NR3C1: variants seen among roughly 807,000 people sequenced by gnomAD.
NR3C1 encodes the protein nuclear receptor subfamily 3 group C member 1.
In NR3C1, 14 loss-of-function variants were observed where a neutral mutation model predicts 74.0. The observed-to-expected ratio is 0.19, with a 90% CI of 0.12 to 0.30. The LOEUF is 0.30. Ranked by LOEUF, NR3C1 falls within the 10% of genes least tolerant of loss-of-function variation. NR3C1 has a pLI of 1.00. For missense variants in NR3C1, 695 were observed against 909.8 expected (o/e 0.76, Z 3.04); for synonymous variants, 308 against 332.5 (o/e 0.93, Z 0.80).
chr5:143,366,324 C>T (rs1308383594), intron 2 of NR3C1, among the ~76,000 whole-genome samples: 1 of 152,038 alleles, frequency 6.6e-6, no homozygotes, highest in Admixed American at 6.6e-5. Flanking sequence ...GCCTGCCCAA[C>T]ATGGTGAAAC....
At chr5:143,401,567 T>C (rs1840287601) in intron 1 of NR3C1, among the ~76,000 whole-genome samples, 1 of 152,210 alleles carries the variant, frequency 6.6e-6, no homozygotes, top group African/African-American at 2.4e-5. Flanking sequence ...CCAACTAAAA[T>C]TTAGATTTTA....
At chr5:143,415,095 G>A (rs1224691142) in intron 1 of NR3C1, among the ~76,000 whole-genome samples, 1 of 152,124 alleles carries the variant, frequency 6.6e-6, no homozygotes, top group East Asian at 1.9e-4. Context: ...AAAGATGCTA[G>A]AAAATAACAC....
At chr5:143,297,265 C>G (rs1344924262) in intron 6 of NR3C1, among the ~76,000 whole-genome samples, 1 of 152,024 alleles carries the variant, frequency 6.6e-6, no homozygotes, top group African/African-American at 2.4e-5. Flanking sequence ...TTAGATTTTG[C>G]TGTGACTGCT....
chr5:143,344,958 G>A (rs1307102875), intron 2 of NR3C1, among the ~76,000 whole-genome samples: 2 of 152,010 alleles, frequency 1.3e-5, no homozygotes, highest in African/African-American at 4.8e-5. Context: ...GTGTAGAGTT[G>A]GCTCGTTCTT....
At position 143,319,634 on chromosome 5, in the gene NR3C1, T is replaced by C. The variant is rs10053200; in HGVS notation, c.1185-5466A>G. Among the ~76,000 whole-genome samples the C allele has an allele frequency of 4.5e-3, 679 of 152,126 alleles. 2 individuals carry two copies. The highest frequency in any genetic ancestry group is 0.016 in the African/African-American group (646 of 41,502). On this transcript the variant is annotated intron_variant, in intron 2 of 8. Transcript: ENST00000394464. Reference sequence around the variant, plus strand: ...CTGAAAACACTTTTGGTTATCACGGTTGGGGAAATGCTATTGGCATCTAAG... The same window carrying C: ...CTGAAAACACTTTTGGTTATCACGGCTGGGGAAATGCTATTGGCATCTAAG...
At chr5:143,389,624 A>G (rs894328371) in intron 2 of NR3C1, among the ~76,000 whole-genome samples, 13 of 152,238 alleles carry the variant, frequency 8.5e-5, no homozygotes, top group Non-Finnish European at 7.3e-5. Flanking sequence ...TATCAATTAA[A>G]AGGTCACTCA....
chr5:143,314,373 TGAA>T (rs1306577915), intron 2 of NR3C1, among the ~76,000 whole-genome samples: 6 of 152,174 alleles, frequency 3.9e-5, no homozygotes, highest in African/African-American at 1.4e-4. Context: ...TCATTTCTTT[TGAA>T]GTGTCTCCAA....
intron 2 of NR3C1, among the ~76,000 whole-genome samples, chr5:143,376,932 C>T (rs1835313494): frequency 6.6e-6 from 1 of 152,034 alleles, no homozygotes; most frequent in South Asian, 2.1e-4. Context: ...GGAGGAAAAA[C>T]AAGGCAGCTA....
At position 143,310,338 on chromosome 5, in the gene NR3C1, T is replaced by G. The variant is rs61753483; in HGVS notation, c.1352-125A>C. On this transcript the variant is annotated intron_variant, in intron 3 of 8. Transcript: ENST00000394464. ...ACCCACAGGTATTGCCTTGAGGGAA[T>G]GTTCTTGCCTACATTGCCATTATGA... is the stretch of plus-strand genomic sequence containing the variant. 1.4e-3 allele frequency: 1,003 copies of G among 721,300 alleles called. 3 individuals are homozygous for G. Among genetic ancestry groups the G allele is most frequent in the Non-Finnish European group, 2.1e-3 (859 of 409,498 alleles). 44.7% of individuals were successfully genotyped at this position (721,300 alleles called of 1,614,324 possible).
At chr5:143,326,210 G>A (rs527507704) in intron 2 of NR3C1, among the ~76,000 whole-genome samples, 87 of 152,340 alleles carry the variant, frequency 5.7e-4, no homozygotes, top group African/African-American at 2.0e-3. Context: ...CCTTGTGACT[G>A]TTGCCTGGCA....
In NR3C1 at chr5:143,343,347, C is replaced by A. The variant is rs186072036; in HGVS notation, c.1185-29179G>T. Among the ~76,000 whole-genome samples the A allele has an allele frequency of 8.5e-5, 13 of 152,320 alleles. No individual in the cohort carries two copies. The East Asian group carries it at 2.5e-3, about 29-fold the overall frequency. On this transcript the variant is annotated intron_variant, in intron 2 of 8. Transcript: ENST00000394464. ...ATAAAGCTAATTGTCTAGCAGGAGG[C>A]AGGTTGCTTGACCTGATAGTCTCCT...
intron 2 of NR3C1, among the ~76,000 whole-genome samples, chr5:143,368,219 A>G (rs1259286119): frequency 6.6e-6 from 1 of 152,192 alleles, no homozygotes; most frequent in African/African-American, 2.4e-5. Context: ...CCTACTTCAC[A>G]CCATATACAC....
intron 4 of NR3C1, among the ~76,000 whole-genome samples, chr5:143,301,203 G>C (rs190374321): frequency 5.1e-4 from 78 of 152,082 alleles, no homozygotes; most frequent in Non-Finnish European, 9.1e-4. Flanking sequence ...ACAAACTGTG[G>C]TTTAAGATTA....
intron 2 of NR3C1, among the ~76,000 whole-genome samples, chr5:143,356,219 T>C (rs1413660420): frequency 1.3e-5 from 2 of 152,202 alleles, no homozygotes; most frequent in Non-Finnish European, 2.9e-5. Context: ...AAATATCTTT[T>C]AAATAAAATT....
At chr5:143,295,844 GTAT>G (rs920945423) in intron 6 of NR3C1, among the ~76,000 whole-genome samples, 2 of 152,096 alleles carry the variant, frequency 1.3e-5, no homozygotes, top group Non-Finnish European at 2.9e-5. Flanking sequence ...TGCATGCCAT[GTAT>G]TATTTTATTA....
chr5:143,397,612 C>A (rs1465853873), intron 2 of NR3C1, among the ~76,000 whole-genome samples: 1 of 151,802 alleles, frequency 6.6e-6, no homozygotes, highest in Non-Finnish European at 1.5e-5. Flanking sequence ...AAGTATTATA[C>A]CTTCTTGTTA....
chr5:143,433,136 T>C (rs1300180011), intron 1 of NR3C1, among the ~76,000 whole-genome samples: 1 of 152,016 alleles, frequency 6.6e-6, no homozygotes, highest in Non-Finnish European at 1.5e-5. Context: ...GCAGGGGAGC[T>C]TCCTGGAATC....
intron 4 of NR3C1, among the ~76,000 whole-genome samples, chr5:143,305,127 T>A (rs2151578152): frequency 6.6e-6 from 1 of 152,238 alleles, no homozygotes. Flanking sequence ...AAACTATGCA[T>A]CTGACAAAGC....
At chr5:143,315,845 AC>A (rs1270512630) in intron 2 of NR3C1, among the ~76,000 whole-genome samples, 4 of 152,316 alleles carry the variant, frequency 2.6e-5, no homozygotes, top group Middle Eastern at 3.4e-3. Flanking sequence ...GTAAATCCAA[AC>A]GATCGCCCTA....
Sources: allele counts gnomAD v4.1 joint callset (sites outside exome capture counted in the v4.1 genomes callset), GRCh38; gene constraint gnomAD v4.1.1; transcripts MANE v1.5; gene names NCBI Gene and HGNC (gene_info 2026-07-23, HGNC 2026-07-21).